Variants in SRGAP2C observed in about 807,000 individuals in gnomAD.
SRGAP2C encodes SLIT-ROBO Rho GTPase activating protein 2C.
In SRGAP2C, 15 loss-of-function variants were observed where a neutral mutation model predicts 25.1. The observed-to-expected ratio is 0.60, with a 90% CI of 0.40 to 0.92. The LOEUF (loss-of-function observed/expected upper bound fraction) is 0.92. Ranked by LOEUF, SRGAP2C falls within the 40% of genes least tolerant of loss-of-function variation. The probability of loss-of-function intolerance (pLI) is 0.00; values close to 1 mark genes in which losing one functional copy is unlikely to be tolerated. For synonymous variants in SRGAP2C, 44 were observed against 96.6 expected (o/e 0.46, Z 3.19); for missense variants, 144 against 264.4 (o/e 0.54, Z 3.16).
At chr1:121,268,438 G>A (rs1288176068) in intron 2 of SRGAP2C, among the ~76,000 whole-genome samples, 1 of 151,790 alleles carries the variant, frequency 6.6e-6, no homozygotes, top group African/African-American at 2.4e-5. Context: ...TCTCCACTGG[G>A]AAGCCATTGA....
At chr1:121,272,194 G>T (rs1656982116) in intron 2 of SRGAP2C, among the ~76,000 whole-genome samples, 1 of 109,664 alleles carries the variant, frequency 9.1e-6, no homozygotes, top group Non-Finnish European at 1.9e-5. Context: ...AGAAATGTAT[G>T]TAGTGCTTAC....
intron 4 of SRGAP2C, among the ~76,000 whole-genome samples, chr1:121,357,503 ATCTT>A (rs1659089933): frequency 6.6e-6 from 1 of 151,934 alleles, no homozygotes; most frequent in African/African-American, 2.4e-5. Flanking sequence ...ACTTTTTATG[ATCTT>A]TCTTTGTTTT....
intron 2 of SRGAP2C, among the ~76,000 whole-genome samples, chr1:121,189,090 A>C: frequency 1.5e-5 from 1 of 65,898 alleles, no homozygotes. Context: ...TTTTAACCAG[A>C]TATGTCTTTT....
chr1:121,323,940 C>T (rs1658265787), intron 3 of SRGAP2C, among the ~76,000 whole-genome samples: 1 of 152,098 alleles, frequency 6.6e-6, no homozygotes, highest in Non-Finnish European at 1.5e-5. Flanking sequence ...TGGTTTCTAA[C>T]CCTAGAGACA....
intron 3 of SRGAP2C, among the ~76,000 whole-genome samples, chr1:121,308,552 G>C: frequency 6.7e-6 from 1 of 150,018 alleles, no homozygotes; most frequent in Non-Finnish European, 1.5e-5. Flanking sequence ...GAGGTGGGAG[G>C]ATTGCTTGAG....
chr1:121,377,048 A>G (rs1252309942), intron 7 of SRGAP2C, among the ~76,000 whole-genome samples: 2 of 150,960 alleles, frequency 1.3e-5, no homozygotes, highest in Non-Finnish European at 2.9e-5. Context: ...TCCATCAGGT[A>G]TAACCAAGTG....
intron 2 of SRGAP2C, among the ~76,000 whole-genome samples, chr1:121,195,759 T>C (rs2101378639): frequency 6.7e-6 from 1 of 149,738 alleles, no homozygotes; most frequent in African/African-American, 2.5e-5. Flanking sequence ...TAACATTTGC[T>C]GTCTGTTGGA....
At chr1:121,360,024 G>A (rs1225862981) in intron 4 of SRGAP2C, 1 of 151,672 alleles carries the variant, frequency 6.6e-6, no homozygotes, top group Non-Finnish European at 1.5e-5. Flanking sequence ...GCACCAATCA[G>A]TGCTCTGTGT....
At chr1:121,249,565 TA>T (rs1656298226) in intron 2 of SRGAP2C, among the ~76,000 whole-genome samples, 1 of 31,902 alleles carries the variant, frequency 3.1e-5, no homozygotes, top group Non-Finnish European at 5.8e-5. Flanking sequence ...TATATATATA[TA>T]TATATATATA....
intron 2 of SRGAP2C, among the ~76,000 whole-genome samples, chr1:121,278,257 C>G (rs1450540716): frequency 7.6e-4 from 116 of 151,736 alleles, no homozygotes; most frequent in African/African-American, 2.5e-3. Flanking sequence ...TGTTTTGTGC[C>G]TTACTTAATA....
chr1:121,308,635 C>T (rs1264165862), intron 3 of SRGAP2C, among the ~76,000 whole-genome samples: 2 of 151,870 alleles, frequency 1.3e-5, no homozygotes, highest in African/African-American at 4.8e-5. Context: ...AGCAAGACCC[C>T]ATCTCTGCAA....
intron 3 of SRGAP2C, among the ~76,000 whole-genome samples, chr1:121,315,545 T>A (rs1658078321): frequency 6.6e-6 from 1 of 151,672 alleles, no homozygotes; most frequent in Non-Finnish European, 1.5e-5. Context: ...GGGCTTCTCT[T>A]ATACCACTCA....
chr1:121,293,060 TA>T (rs1296990969), intron 3 of SRGAP2C, among the ~76,000 whole-genome samples: 2 of 125,976 alleles, frequency 1.6e-5, no homozygotes, highest in African/African-American at 6.4e-5. Flanking sequence ...GGATGGGAGA[TA>T]AAAAAATTAA....
intron 3 of SRGAP2C, among the ~76,000 whole-genome samples, chr1:121,315,216 G>T (rs1553340492): frequency 8.1e-4 from 122 of 151,328 alleles, no homozygotes; most frequent in Admixed American, 1.2e-3. Context: ...CAATCATTGT[G>T]CACTATGGCC....
Position 121,335,343 on chromosome 1 carries a change from AAAATAAAT to A in SRGAP2C, c.423+10743_423+10750del, listed in dbSNP as rs1243682707. 3.9e-3 allele frequency among the ~76,000 whole-genome samples: 427 copies of A among 109,274 alleles called. 2 individuals carry two copies. The highest frequency in any genetic ancestry group is 6.0e-3 in the Admixed American group (64 of 10,706). 71.7% of individuals were successfully genotyped at this position (109,274 alleles called of 152,430 possible). ...GAGACAGAGCAAGACTCCATCTCAA[AAAATAAAT>A]AAATAAATAAATAAATAAATAAATA... On this transcript the variant is annotated intron_variant, in intron 4 of 9. Transcript: ENST00000367123.
chr1:121,254,004 C>G (rs1331470796), intron 2 of SRGAP2C, among the ~76,000 whole-genome samples: 1 of 151,762 alleles, frequency 6.6e-6, no homozygotes, highest in Non-Finnish European at 1.5e-5. Context: ...TCTCAACCTC[C>G]TGGGTTCAAG....
At chr1:121,329,212 G>GA (rs1245870870) in intron 4 of SRGAP2C, among the ~76,000 whole-genome samples, 2 of 151,404 alleles carry the variant, frequency 1.3e-5, no homozygotes, top group East Asian at 3.9e-4. Context: ...CTTCGTCTCA[G>GA]AAAAAAAGAA....
At chr1:121,312,627 T>G (rs1657992225) in intron 3 of SRGAP2C, among the ~76,000 whole-genome samples, 1 of 124,144 alleles carries the variant, frequency 8.1e-6, no homozygotes, top group Non-Finnish European at 1.7e-5. Flanking sequence ...ATGTTGTGTG[T>G]TTTTTCTCGT....
At chr1:121,350,643 C>T (rs1658878210) in intron 4 of SRGAP2C, among the ~76,000 whole-genome samples, 1 of 151,978 alleles carries the variant, frequency 6.6e-6, no homozygotes, top group African/African-American at 2.4e-5. Context: ...CTATAAAACT[C>T]TTAGAAGAAA....
Sources: allele counts gnomAD v4.1 joint callset (sites outside exome capture counted in the v4.1 genomes callset), GRCh38; gene constraint gnomAD v4.1.1; transcripts MANE v1.5; gene names NCBI Gene and HGNC (gene_info 2026-07-23, HGNC 2026-07-21).